LRMDA: variants seen among roughly 807,000 people sequenced by gnomAD.
LRMDA encodes leucine rich melanocyte differentiation associated.
Under a neutral mutation model 29.8 loss-of-function variants are expected in LRMDA, and 18 were observed. That is an observed-to-expected ratio of 0.60 (90% CI 0.42 to 0.90). LRMDA has a LOEUF of 0.90. Ranked by LOEUF, LRMDA falls within the 40% of genes least tolerant of loss-of-function variation. LRMDA has a pLI of 0.00. For synonymous variants in LRMDA, 125 were observed against 109.4 expected, an observed-to-expected ratio of 1.14 and a Z score of -0.89; for missense variants, 273 against 273.9, an observed-to-expected ratio of 1.00 and a Z score of 0.02.
At chr10:76,327,535 G>A (rs894032880) in intron 6 of LRMDA, among the ~76,000 whole-genome samples, 1 of 152,224 alleles carries the variant, frequency 6.6e-6, no homozygotes, top group African/African-American at 2.4e-5. Flanking sequence ...TCCTAGAAAG[G>A]CCATAAGCTG....
chr10:75,824,455 C>T (rs577605452), intron 2 of LRMDA, among the ~76,000 whole-genome samples: 5 of 152,220 alleles, frequency 3.3e-5, no homozygotes, highest in South Asian at 2.1e-4. Flanking sequence ...CTATATAGCT[C>T]GCAAAACCTA....
At chr10:76,432,270 C>T (rs1301847184) in intron 6 of LRMDA, among the ~76,000 whole-genome samples, 1 of 151,894 alleles carries the variant, frequency 6.6e-6, no homozygotes, top group African/African-American at 2.4e-5. Flanking sequence ...CTCTGTCTTG[C>T]CATAGATCTC....
chr10:75,432,267 G>A (rs1240113449), intron 1 of LRMDA, among the ~76,000 whole-genome samples: 1 of 152,234 alleles, frequency 6.6e-6, no homozygotes, highest in African/African-American at 2.4e-5. Flanking sequence ...CACATCCCTG[G>A]AGATGAGGGT....
chr10:76,077,534 A>G (rs996225570), intron 5 of LRMDA, among the ~76,000 whole-genome samples: 4 of 152,108 alleles, frequency 2.6e-5, no homozygotes, highest in African/African-American at 7.2e-5. Context: ...TCACTTCTCT[A>G]TCAGGGACAT....
At chr10:76,366,917 G>T (rs563470747) in intron 6 of LRMDA, among the ~76,000 whole-genome samples, 1 of 152,240 alleles carries the variant, frequency 6.6e-6, no homozygotes, top group Admixed American at 6.5e-5. Flanking sequence ...ATTACATTAA[G>T]GTATGTCTCT....
At chr10:76,423,985 G>C (rs1013492518) in intron 6 of LRMDA, among the ~76,000 whole-genome samples, 2 of 152,136 alleles carry the variant, frequency 1.3e-5, no homozygotes, top group Non-Finnish European at 2.9e-5. Context: ...GGCCAGAGGG[G>C]CTCCTTTGTG....
At chr10:76,327,092 CT>C (rs35683783) in intron 6 of LRMDA, among the ~76,000 whole-genome samples, 3,411 of 134,906 alleles carry the variant, frequency 0.025, 136 homozygotes, top group African/African-American at 0.087. Flanking sequence ...TCCAAATCAT[CT>C]TTTTTTTTTT....
chr10:75,527,772 T>C (rs866949915), intron 2 of LRMDA, among the ~76,000 whole-genome samples: 3 of 147,822 alleles, frequency 2.0e-5, no homozygotes, highest in African/African-American at 7.4e-5. Context: ...TAATTATAAA[T>C]AATATGTAAT....
At chr10:75,529,889 G>A (rs1845457344) in intron 2 of LRMDA, among the ~76,000 whole-genome samples, 2 of 152,232 alleles carry the variant, frequency 1.3e-5, no homozygotes, top group Non-Finnish European at 1.5e-5. Flanking sequence ...TGTGGCACAG[G>A]AAGAGTGAAC....
chr10:76,539,220 G>T (rs1843326175), intron 6 of LRMDA, among the ~76,000 whole-genome samples: 1 of 152,102 alleles, frequency 6.6e-6, no homozygotes, highest in South Asian at 2.1e-4. Context: ...AGAGTACAAG[G>T]GTTGTAGATA....
intron 5 of LRMDA, among the ~76,000 whole-genome samples, chr10:76,247,421 C>T (rs549676339): frequency 6.6e-6 from 1 of 152,256 alleles, no homozygotes; most frequent in Admixed American, 6.5e-5. Context: ...GGGGACTGAG[C>T]AAGCCATTTC....
chr10:75,812,419 T>G (rs895870155), intron 2 of LRMDA, among the ~76,000 whole-genome samples: 1 of 152,172 alleles, frequency 6.6e-6, no homozygotes, highest in African/African-American at 2.4e-5. Flanking sequence ...TGTGTTAAAA[T>G]ATATATATTT....
chr10:76,086,121 C>T (rs1424982558), intron 5 of LRMDA, among the ~76,000 whole-genome samples: 1 of 152,182 alleles, frequency 6.6e-6, no homozygotes, highest in Non-Finnish European at 1.5e-5. Context: ...TTTCTAGTTC[C>T]TCGCCTTACC....
At chr10:76,535,546 G>T (rs1390099664) in intron 6 of LRMDA, among the ~76,000 whole-genome samples, 1 of 152,122 alleles carries the variant, frequency 6.6e-6, no homozygotes, top group African/African-American at 2.4e-5. Context: ...CTTGAAAACT[G>T]CTCATGGGGT....
At chr10:76,318,057 A>G (rs955592830) in intron 5 of LRMDA, among the ~76,000 whole-genome samples, 2 of 152,204 alleles carry the variant, frequency 1.3e-5, no homozygotes, top group African/African-American at 4.8e-5. Context: ...AGAAATTATG[A>G]TCACTTCTAT....
intron 2 of LRMDA, among the ~76,000 whole-genome samples, chr10:75,870,917 C>T (rs1029122588): frequency 1.3e-5 from 2 of 150,404 alleles, no homozygotes; most frequent in Non-Finnish European, 2.9e-5. Context: ...TCTCTTTGGT[C>T]CCTCACACCC....
rs563858658 is a variant in LRMDA at position 75,724,358 on chromosome 10, A to G, written c.131+285864A>G. 2.3e-4 allele frequency among the ~76,000 whole-genome samples: 35 copies of G among 152,374 alleles called. No homozygotes were observed. The South Asian group carries it at 4.3e-3, about 19-fold the overall frequency. On this transcript the variant is annotated intron_variant, in intron 2 of 6. Coordinates refer to ENST00000611255, the MANE Select transcript of LRMDA (RefSeq NM_001305581.2). ...TTATGCCACCCATTAACAAATTTGT[A>G]TAGAGAAAAAAGTAACTTTTCCATT...
chr10:75,568,359 T>A (rs915434331), intron 2 of LRMDA, among the ~76,000 whole-genome samples: 12 of 152,254 alleles, frequency 7.9e-5, no homozygotes, highest in Admixed American at 7.2e-4. Flanking sequence ...ACCTACTGCA[T>A]GTTATGTTTC....
At chr10:76,005,571 C>T (rs1351021014) in intron 2 of LRMDA, among the ~76,000 whole-genome samples, 1 of 152,062 alleles carries the variant, frequency 6.6e-6, no homozygotes, top group Non-Finnish European at 1.5e-5. Flanking sequence ...TATGATTGTG[C>T]CACTGCACTC....
Sources: allele counts gnomAD v4.1 joint callset (sites outside exome capture counted in the v4.1 genomes callset), GRCh38; gene constraint gnomAD v4.1.1; transcripts MANE v1.5; gene names NCBI Gene and HGNC (gene_info 2026-07-23, HGNC 2026-07-21).